The following DLGAP5 variants were observed in gnomAD, a reference collection of about 807,000 sequenced individuals.
DLGAP5 encodes the protein DLG associated protein 5.
DLGAP5 carries 90 observed loss-of-function variants against 99.6 expected under a neutral mutation model. The ratio of observed to expected loss-of-function variants is 0.90; its 90% CI spans 0.76 to 1.08. DLGAP5 has a LOEUF of 1.08. DLGAP5 is among the 50% of genes least tolerant of loss of function. The pLI, the probability that DLGAP5 is intolerant of heterozygous loss-of-function variation, is 0.00. For missense variants in DLGAP5, 1,036 were observed against 983.5 expected (o/e 1.05, Z -0.71); for synonymous variants, 311 against 321.3 (o/e 0.97, Z 0.34).
intron 14 of DLGAP5, among the ~76,000 whole-genome samples, chr14:55,156,716 AAAC>A (rs140831189): frequency 0.026 from 3,920 of 152,286 alleles, 162 homozygotes; most frequent in African/African-American, 0.09. Flanking sequence ...CAGAAACCAA[AAAC>A]AACTAGATGA....
intron 15 of DLGAP5, among the ~76,000 whole-genome samples, chr14:55,153,556 AT>A (rs1218950697): frequency 4.2e-5 from 6 of 143,216 alleles, no homozygotes; most frequent in Non-Finnish European, 6.1e-5. Flanking sequence ...AAAAAAAAAA[AT>A]TTATCTCCAC....
At chr14:55,174,958 G>T (rs1883005502) in intron 10 of DLGAP5, among the ~76,000 whole-genome samples, 1 of 152,048 alleles carries the variant, frequency 6.6e-6, no homozygotes, top group African/African-American at 2.4e-5. Flanking sequence ...CAAAGTGCTG[G>T]GATTACAGGC....
intron 2 of DLGAP5, among the ~76,000 whole-genome samples, chr14:55,185,033 A>T (rs1259316515): frequency 6.6e-6 from 1 of 152,194 alleles, no homozygotes; most frequent in Non-Finnish European, 1.5e-5. Flanking sequence ...CCAGCAACTT[A>T]TCCTCTTACT....
intron 15 of DLGAP5, among the ~76,000 whole-genome samples, chr14:55,154,011 G>C (rs929121014): frequency 6.6e-6 from 1 of 152,060 alleles, no homozygotes; most frequent in Admixed American, 6.6e-5. Context: ...AGCCGAAATC[G>C]TACCACTGCA....
At position 55,175,897 on chromosome 14, in the gene DLGAP5, CA is replaced by C. The variant is rs1383550889; in HGVS notation, c.1170del (p.His390GlnfsTer6). The C allele has an allele frequency of 6.3e-7, 1 of 1,590,888 alleles. No homozygotes were observed. The highest frequency in any genetic ancestry group is 2.2e-5 in the East Asian group (1 of 44,570). On this transcript the variant is annotated frameshift_variant, in exon 9 of 19. Transcript: ENST00000247191. LOFTEE classifies it high-confidence loss of function. ...PCPLGPLTVW[H>X]EEHVLNKNEA... ...ATAAATTAATTAAATACTATACCTT[CA>C]TGCCAAACAGTTAGAGGACCCAAAG...
At chr14:55,185,123 T>C (rs1328062592) in intron 2 of DLGAP5, among the ~76,000 whole-genome samples, 1 of 152,212 alleles carries the variant, frequency 6.6e-6, no homozygotes, top group Non-Finnish European at 1.5e-5. Context: ...TACATCCTCA[T>C]CTAGCACTTA....
intron 13 of DLGAP5, among the ~76,000 whole-genome samples, chr14:55,159,195 AAACT>A (rs1882325785): frequency 6.6e-6 from 1 of 152,238 alleles, no homozygotes; most frequent in Non-Finnish European, 1.5e-5. Context: ...ATATTTCATC[AAACT>A]AAAAGATGGG....
intron 4 of DLGAP5, among the ~76,000 whole-genome samples, 200 bp downstream of exon 4, chr14:55,182,170 G>A (rs981256022): frequency 2.0e-5 from 3 of 152,140 alleles, no homozygotes; most frequent in Admixed American, 1.3e-4. Flanking sequence ...AGTTTGCCAT[G>A]GATCTCATAC....
Position 55,148,336 on chromosome 14 carries a change from GATTT to G in DLGAP5, c.*11_*14del. On this transcript the variant is annotated 3_prime_UTR_variant, in exon 19 of 19. Coordinates refer to ENST00000247191, the MANE Select transcript of DLGAP5 (RefSeq NM_014750.5). ...TTGATAATATGAAGGAAAATGTTTG[GATTT>G]ATTTTTAAATTCAAAATTCTCCTGG... 1 of 1,611,444 alleles carries G rather than the reference GATTT, an allele frequency of 6.2e-7. No individual in the cohort carries two copies. The highest frequency in any genetic ancestry group is 8.5e-7 in the Non-Finnish European group (1 of 1,178,694).
chr14:55,164,977 G>A (rs1474188059), intron 12 of DLGAP5, among the ~76,000 whole-genome samples: 2 of 150,132 alleles, frequency 1.3e-5, no homozygotes, highest in Non-Finnish European at 3.0e-5. Flanking sequence ...AAAAATATTT[G>A]CACTTCAAAA....
Position 55,150,860 on chromosome 14 carries a change from C to CAA in DLGAP5, c.2369-14_2369-13dup. On this transcript the variant is annotated splice_polypyrimidine_tract_variant and intron_variant, in intron 17 of 18. Transcript: ENST00000247191. ...ATTATCAAATAGTTCTGAAAAACAA[C>CAA]AAAAAAAAACTTTTTAAAGAATATT... The CAA allele has an allele frequency of 2.0e-6, 3 of 1,515,626 alleles. No individual in the cohort carries two copies. Among genetic ancestry groups the CAA allele is most frequent in the Admixed American group, 2.1e-5 (1 of 47,316 alleles). The allele number at this position is 1,515,626 out of a possible 1,614,324, so 93.9% of individuals were successfully genotyped here. A position where few individuals can be genotyped will look rare whatever the true frequency, so the allele number is the denominator to read the frequency against.
At chr14:55,165,069 C>A (rs1882591122) in intron 12 of DLGAP5, among the ~76,000 whole-genome samples, 1 of 151,814 alleles carries the variant, frequency 6.6e-6, no homozygotes, top group South Asian at 2.1e-4. Flanking sequence ...GACTTTTATC[C>A]AGAATACATA....
intron 13 of DLGAP5, among the ~76,000 whole-genome samples, chr14:55,159,509 T>C (rs1566496309): frequency 6.6e-6 from 1 of 152,122 alleles, no homozygotes; most frequent in Non-Finnish European, 1.5e-5. Context: ...TGGATGTGTG[T>C]GGGGTGGAGA....
In DLGAP5 at chr14:55,150,609, A is replaced by G. The variant is rs144201637; in HGVS notation, c.2418+190T>C. On this transcript the variant is annotated intron_variant, in intron 18 of 18. Coordinates refer to ENST00000247191, the MANE Select transcript of DLGAP5 (RefSeq NM_014750.5). ...ATAGAAAAACATATCTTCAGGGTTAATATTAAAACATACTATATTTTAAAG... is the reference window on the plus strand; with the variant it reads ...ATAGAAAAACATATCTTCAGGGTTAGTATTAAAACATACTATATTTTAAAG... 1.9e-4 allele frequency: 76 copies of G among 398,004 alleles called. 1 individual carries two copies. In the Admixed American group the frequency reaches 2.0e-3, roughly 11 times the overall value. The allele number at this position is 398,004 out of a possible 1,614,324, so 24.7% of individuals were successfully genotyped here.
At chr14:55,190,416 G>A (rs754281617) in intron 1 of DLGAP5, among the ~76,000 whole-genome samples, 21 of 152,268 alleles carry the variant, frequency 1.4e-4, no homozygotes, top group Admixed American at 5.2e-4. Flanking sequence ...GACGACGTCA[G>A]TAGATCCAAC....
intron 15 of DLGAP5, among the ~76,000 whole-genome samples, chr14:55,153,821 G>A (rs1697655433): frequency 6.6e-6 from 1 of 152,100 alleles, no homozygotes; most frequent in African/African-American, 2.4e-5. Context: ...ACTTTGGGAG[G>A]CCAAGGCTGG....
At chr14:55,173,985 A>G (rs1021087816) in intron 10 of DLGAP5, among the ~76,000 whole-genome samples, 2 of 152,234 alleles carry the variant, frequency 1.3e-5, no homozygotes, top group African/African-American at 4.8e-5. Flanking sequence ...AAAACAGGAT[A>G]ACAGCGATTG....
chr14:55,160,827 AG>A (rs1882399562), intron 13 of DLGAP5, among the ~76,000 whole-genome samples: 1 of 152,212 alleles, frequency 6.6e-6, no homozygotes, highest in Non-Finnish European at 1.5e-5. Context: ...CTAAAGTTAT[AG>A]GGGGGTAAAA....
intron 17 of DLGAP5, 105 bp from the exon 18 acceptor site, chr14:55,150,953 G>T: frequency 1.4e-6 from 1 of 713,754 alleles, no homozygotes; most frequent in Non-Finnish European, 2.3e-6. Context: ...CATATCAAAT[G>T]CTAAGACAAA....
Sources: allele counts gnomAD v4.1 joint callset (sites outside exome capture counted in the v4.1 genomes callset), GRCh38; gene constraint gnomAD v4.1.1; transcripts MANE v1.5; gene names NCBI Gene and HGNC (gene_info 2026-07-23, HGNC 2026-07-21).